FAM184A: variants seen among roughly 807,000 people sequenced by gnomAD.
FAM184A encodes the protein family with sequence similarity 184 member A, also known as protein FAM184A.
Under a neutral mutation model 143.8 loss-of-function variants are expected in FAM184A, and 99 were observed. The observed-to-expected ratio is 0.69, with a 90% confidence interval of 0.58 to 0.81. The LOEUF is 0.81. FAM184A is among the 40% of genes least tolerant of loss of function. The pLI is 0.00. For missense variants in FAM184A, 1,217 were observed against 1,310.5 expected (o/e 0.93, Z 1.10); for synonymous variants, 427 against 446.4 (o/e 0.96, Z 0.55).
chr6:119,069,735 T>G (rs1787611390), intron 1 of FAM184A, among the ~76,000 whole-genome samples: 1 of 152,146 alleles, frequency 6.6e-6, no homozygotes, highest in Admixed American at 6.6e-5. Context: ...CAGTGTGATA[T>G]ATGAATGGTA....
intron 1 of FAM184A, among the ~76,000 whole-genome samples, chr6:119,119,316 T>C (rs546538888): frequency 6.6e-6 from 1 of 152,348 alleles, no homozygotes; most frequent in Non-Finnish European, 1.5e-5. Context: ...CCACACCCTA[T>C]TCGTACGCTC....
intron 9 of FAM184A, among the ~76,000 whole-genome samples, chr6:118,991,298 G>T (rs1251870011): frequency 6.6e-6 from 1 of 151,776 alleles, no homozygotes; most frequent in Non-Finnish European, 1.5e-5. Flanking sequence ...GAGTAGCTGG[G>T]ATTACAGGTG....
In FAM184A at chr6:119,091,856, T is replaced by C. The variant is rs373636062; in HGVS notation, c.-202+57222A>G. On this transcript the variant is annotated intron_variant, in intron 1 of 16. Transcript: ENST00000352896. ...ACAAGTCAGAACTTTGTAGATACAG[T>C]AGCTATGCCAGCTTGGTGAGAATGA... 5.3e-5 allele frequency among the ~76,000 whole-genome samples: 8 copies of C among 152,198 alleles called. No individual in the cohort carries two copies. In the South Asian group the frequency reaches 1.0e-3, roughly 20 times the overall value.
chr6:118,964,083 G>A (rs1260226135), intron 16 of FAM184A, among the ~76,000 whole-genome samples: 2 of 152,018 alleles, frequency 1.3e-5, no homozygotes, highest in African/African-American at 2.4e-5. Context: ...CCATCCACTC[G>A]GGAGCTGGAA....
At chr6:118,989,268 T>C (rs1026927650) in intron 9 of FAM184A, among the ~76,000 whole-genome samples, 1 of 151,624 alleles carries the variant, frequency 6.6e-6, no homozygotes, top group African/African-American at 2.4e-5. Context: ...AGCCTGGACA[T>C]GATTTTAAGT....
chr6:119,140,370 C>T (rs948258569), intron 1 of FAM184A, among the ~76,000 whole-genome samples: 1 of 152,176 alleles, frequency 6.6e-6, no homozygotes, highest in African/African-American at 2.4e-5. Context: ...AAATGATTCT[C>T]CACTTTCCCT....
intron 6 of FAM184A, among the ~76,000 whole-genome samples, chr6:119,007,332 A>G (rs1274860975): frequency 6.6e-6 from 1 of 152,230 alleles, no homozygotes; most frequent in Non-Finnish European, 1.5e-5. Context: ...GTAATTTAAA[A>G]ATAATACCTA....
At chr6:118,971,165 G>A (rs976957892) in intron 14 of FAM184A, among the ~76,000 whole-genome samples, 7 of 152,124 alleles carry the variant, frequency 4.6e-5, no homozygotes, top group African/African-American at 1.7e-4. Flanking sequence ...ATTACGCACA[G>A]ACTCTGATTT....
chr6:119,054,606 T>C (rs1786889997), intron 1 of FAM184A, among the ~76,000 whole-genome samples: 1 of 152,172 alleles, frequency 6.6e-6, no homozygotes, highest in Non-Finnish European at 1.5e-5. Flanking sequence ...TTGGGGGACA[T>C]AAACATTTAG....
chr6:118,984,221 A>C (rs1024133469), intron 9 of FAM184A, among the ~76,000 whole-genome samples: 3 of 144,516 alleles, frequency 2.1e-5, no homozygotes, highest in African/African-American at 7.6e-5. Flanking sequence ...ATTTATATAT[A>C]TTTGTATATT....
At chr6:118,973,258 T>C (rs1783748447) in intron 14 of FAM184A, among the ~76,000 whole-genome samples, 1 of 152,196 alleles carries the variant, frequency 6.6e-6, no homozygotes, top group South Asian at 2.1e-4. Flanking sequence ...CGTCTGTATG[T>C]GTGTGTTGTG....
At chr6:119,028,870 A>C (rs894625195) in intron 1 of FAM184A, among the ~76,000 whole-genome samples, 1 of 152,168 alleles carries the variant, frequency 6.6e-6, no homozygotes, top group Non-Finnish European at 1.5e-5. Flanking sequence ...TGCTATCTTC[A>C]GGCAGATAGT....
chr6:119,090,771 C>T (rs977455849), intron 1 of FAM184A, among the ~76,000 whole-genome samples: 1 of 152,176 alleles, frequency 6.6e-6, no homozygotes, highest in African/African-American at 2.4e-5. Context: ...GTGAGCACTT[C>T]AGCTAATCTA....
chr6:119,027,818 T>C (rs1326402803), intron 1 of FAM184A, among the ~76,000 whole-genome samples: 1 of 152,200 alleles, frequency 6.6e-6, no homozygotes, highest in African/African-American at 2.4e-5. Context: ...ATTTTAGCTA[T>C]TACCCTTTGT....
rs1787967851 is a variant in FAM184A, at chr6:119,078,587, C to G, written c.-288G>C. 1 of 244,400 alleles carries G rather than the reference C, an allele frequency of 4.1e-6. No homozygotes were observed. The highest frequency in any genetic ancestry group is 7.8e-6 in the Non-Finnish European group (1 of 127,858). 15.1% of individuals were successfully genotyped at this position (244,400 alleles called of 1,614,324 possible). A position where few individuals can be genotyped will look rare whatever the true frequency, so the allele number is the denominator to read the frequency against. ...GCCAGCTCTTGGAGGCTCCTCGGCC[C>G]GCGCCTGGCGGAGGCGTCGAGGACA... On this transcript the variant is annotated 5_prime_UTR_variant, in exon 1 of 18. Coordinates refer to ENST00000338891, the MANE Select transcript of FAM184A (RefSeq NM_024581.6). The surrounding 1 kb of genome is among the most constrained non-coding windows in gnomAD (Gnocchi z 5.5).
At chr6:119,006,631 T>C (rs934581450) in intron 6 of FAM184A, 23 bp from the exon 7 acceptor site, 33 of 1,565,306 alleles carry the variant, frequency 2.1e-5, no homozygotes, top group Non-Finnish European at 2.7e-5. Context: ...AGAGTACTTT[T>C]AATATATTTC....
chr6:118,978,699 A>G (rs1277822775), intron 11 of FAM184A, among the ~76,000 whole-genome samples: 1 of 152,146 alleles, frequency 6.6e-6, no homozygotes, highest in Non-Finnish European at 1.5e-5. Flanking sequence ...TTTGCTCCAA[A>G]TTCCTACTTG....
At chr6:119,042,317 T>C (rs1308740268) in intron 1 of FAM184A, among the ~76,000 whole-genome samples, 1 of 152,192 alleles carries the variant, frequency 6.6e-6, no homozygotes, top group Non-Finnish European at 1.5e-5. Flanking sequence ...AGATGGGTAA[T>C]CATGTGTCCA....
At chr6:118,977,818 C>G (rs1783892324) in intron 11 of FAM184A, among the ~76,000 whole-genome samples, 1 of 152,158 alleles carries the variant, frequency 6.6e-6, no homozygotes. Context: ...TACCATAGTT[C>G]TGCAAGATGT....
Sources: allele counts gnomAD v4.1 joint callset (sites outside exome capture counted in the v4.1 genomes callset), GRCh38; gene constraint gnomAD v4.1.1; non-coding constraint Gnocchi (gnomAD v3.1); transcripts MANE v1.5; gene names NCBI Gene and HGNC (gene_info 2026-07-23, HGNC 2026-07-21).